Variants in SPACDR observed in about 807,000 individuals in gnomAD.
SPACDR encodes the protein uncharacterized protein C7orf61.
the SPACDR span, among the ~76,000 whole-genome samples, chr7:100,458,638 C>A: frequency 1.3e-5 from 2 of 152,152 alleles, no homozygotes; most frequent in Non-Finnish European, 2.9e-5. Flanking sequence ...AGTATAATTT[C>A]CTTGAGGCCG....
the SPACDR span, among the ~76,000 whole-genome samples, chr7:100,457,799 A>ATGTGTGTGTGTGTGTGTGTGTGTG: frequency 4.4e-5 from 2 of 45,788 alleles, no homozygotes; most frequent in Non-Finnish European, 7.7e-5. Flanking sequence ...TTTTATATAT[A>ATGTGTGTGTGTGTGTGTGTGTGTG]TATATGTGTG....
At chr7:100,462,309 G>T in the SPACDR span, among the ~76,000 whole-genome samples, 8 of 151,900 alleles carry the variant, frequency 5.3e-5, no homozygotes, top group East Asian at 7.8e-4. Context: ...CGCCTCCCGG[G>T]TTCATGCCAT....
At chr7:100,461,727 C>T in the SPACDR span, among the ~76,000 whole-genome samples, 3 of 151,996 alleles carry the variant, frequency 2.0e-5, no homozygotes, top group Non-Finnish European at 4.4e-5. Flanking sequence ...CAGTGGCTCA[C>T]ACCTGTAATC....
chr7:100,463,593 C>T, the SPACDR span: 3 of 1,613,896 alleles, frequency 1.9e-6, no homozygotes, highest in Admixed American at 3.3e-5. Context: ...GTCTCAACCA[C>T]CTGGAGAGTC....
chr7:100,458,289 C>T, the SPACDR span, among the ~76,000 whole-genome samples: 1 of 151,154 alleles, frequency 6.6e-6, no homozygotes, highest in Non-Finnish European at 1.5e-5. Flanking sequence ...ATCCAACTAC[C>T]ACAGTCAAGG....
chr7:100,462,844 T>C, the SPACDR span, among the ~76,000 whole-genome samples: 1 of 144,322 alleles, frequency 6.9e-6, no homozygotes, highest in Admixed American at 6.8e-5. Context: ...GCATGGTGGC[T>C]CATGCCTGTA....
the SPACDR span, chr7:100,463,350 G>C: frequency 6.4e-7 from 1 of 1,559,124 alleles, no homozygotes; most frequent in East Asian, 2.3e-5. Context: ...GGGGGTGTTA[G>C]GATGGTGCTG....
At chr7:100,464,104 TG>T in the SPACDR span, 1 of 766,182 alleles carries the variant, frequency 1.3e-6, no homozygotes, top group Non-Finnish European at 1.8e-6. Context: ...GGGGATGGGG[TG>T]GGCTGTGGGC....
the SPACDR span, chr7:100,463,897 G>A: frequency 1.3e-6 from 2 of 1,529,404 alleles, no homozygotes; most frequent in Non-Finnish European, 1.8e-6. Flanking sequence ...CACGCAGTAA[G>A]GGGCTGCTGC....
At chr7:100,464,058 CAGAGCTAGCATTTGGT>C in the SPACDR span, 1 of 1,152,422 alleles carries the variant, frequency 8.7e-7, no homozygotes, top group African/African-American at 1.9e-5. Flanking sequence ...GAAGAAAGGG[CAGAGCTAGCATTTGGT>C]ACGGTGGGGG....
chr7:100,463,830 C>T, the SPACDR span: 1 of 1,275,534 alleles, frequency 7.8e-7, no homozygotes, highest in Non-Finnish European at 1.1e-6. Flanking sequence ...CCCCAGCTGT[C>T]CTTTCCTTCC....
At chr7:100,456,853 G>A in the SPACDR span, 10 of 1,613,162 alleles carry the variant, frequency 6.2e-6, no homozygotes, top group African/African-American at 2.7e-5. Context: ...TCCTGCCTGC[G>A]GTACAGCCGG....
At chr7:100,464,201 T>A in the SPACDR span, 1 of 1,472,958 alleles carries the variant, frequency 6.8e-7, no homozygotes, top group South Asian at 1.4e-5. Flanking sequence ...AAGCCCCTCC[T>A]GGCAATGAAT....
the SPACDR span, chr7:100,463,265 C>A: frequency 2.9e-6 from 3 of 1,036,640 alleles, no homozygotes; most frequent in South Asian, 4.7e-5. Context: ...TGAGTCACTG[C>A]ACCAGGCCAG....
At chr7:100,464,129 T>C in the SPACDR span, 1 of 1,542,350 alleles carries the variant, frequency 6.5e-7, no homozygotes, top group East Asian at 2.5e-5. Context: ...TGACCACCTC[T>C]TGAGGGGTCT....
chr7:100,458,008 T>C, the SPACDR span, among the ~76,000 whole-genome samples: 1,121 of 151,706 alleles, frequency 7.4e-3, 13 homozygotes, highest in African/African-American at 0.026. Context: ...TTTTGTTTTG[T>C]TTTGAGATCA....
chr7:100,458,991 T>C, the SPACDR span, among the ~76,000 whole-genome samples: 4 of 149,876 alleles, frequency 2.7e-5, no homozygotes, highest in Non-Finnish European at 4.4e-5. Flanking sequence ...CAATAGTTTG[T>C]CCTTTTTACC....
the SPACDR span, among the ~76,000 whole-genome samples, chr7:100,459,128 C>T: frequency 6.6e-6 from 1 of 150,420 alleles, no homozygotes; most frequent in Non-Finnish European, 1.5e-5. Flanking sequence ...CTCAGCCTCC[C>T]GAGTAGCTGG....
the SPACDR span, chr7:100,464,118 G>T: frequency 6.5e-7 from 1 of 1,542,954 alleles, no homozygotes; most frequent in Non-Finnish European, 8.7e-7. Flanking sequence ...CTGTGGGCCG[G>T]TGACCACCTC....
Sources: allele counts gnomAD v4.1 joint callset (sites outside exome capture counted in the v4.1 genomes callset), GRCh38; gene constraint gnomAD v4.1.1; transcripts MANE v1.5; gene names NCBI Gene and HGNC (gene_info 2026-07-23, HGNC 2026-07-21).